The following MCPH1 variants were observed in gnomAD, a reference collection of about 807,000 sequenced individuals.
MCPH1 encodes the protein microcephalin 1.
MCPH1 carries 104 observed loss-of-function variants against 84.5 expected under a neutral mutation model. The observed-to-expected ratio is 1.23, with a 90% confidence interval of 1.05 to 1.45. The LOEUF is 1.45. Among genes scored for constraint, MCPH1 ranks in the 40% most tolerant of loss-of-function variants. The probability of loss-of-function intolerance (pLI) is 0.00; values close to 1 mark genes in which losing one functional copy is unlikely to be tolerated. For synonymous variants in MCPH1, 514 were observed against 366.8 expected, an observed-to-expected ratio of 1.40 and a Z score of -4.58; for missense variants, 1,498 against 1,005.7, an observed-to-expected ratio of 1.49 and a Z score of -6.62.
intron 11 of MCPH1, among the ~76,000 whole-genome samples, chr8:6,497,948 A>T: frequency 6.6e-6 from 1 of 152,194 alleles, no homozygotes; most frequent in Non-Finnish European, 1.5e-5. Context: ...AGTTTGTTCA[A>T]AGAACTCTCA....
At chr8:6,423,127 C>A (rs2515533) in intron 3 of MCPH1, among the ~76,000 whole-genome samples, 147,644 of 149,740 alleles carry the variant, frequency 0.99, 72,896 homozygotes, top group East Asian at 1. Flanking sequence ...GGCAAAAGCA[C>A]ACTTTTAAGG....
chr8:6,636,173 T>A (rs1360784097), intron 13 of MCPH1, among the ~76,000 whole-genome samples: 2 of 151,978 alleles, frequency 1.3e-5, no homozygotes, highest in Non-Finnish European at 2.9e-5. Context: ...ACCCCATCTC[T>A]ACTAAAAATT....
chr8:6,579,288 C>A (rs142632762), intron 12 of MCPH1, among the ~76,000 whole-genome samples: 1 of 152,358 alleles, frequency 6.6e-6, no homozygotes, highest in African/African-American at 2.4e-5. Flanking sequence ...AGTTCGCCCC[C>A]TTTCCCGGTC....
chr8:6,578,549 A>C (rs957378196), intron 12 of MCPH1, among the ~76,000 whole-genome samples: 7 of 152,248 alleles, frequency 4.6e-5, no homozygotes, highest in Admixed American at 4.6e-4. Context: ...CTCACTATGT[A>C]ATTGTTTTTT....
intron 6 of MCPH1, among the ~76,000 whole-genome samples, chr8:6,439,392 C>CTT (rs1204165100): frequency 3.7e-5 from 5 of 135,854 alleles, no homozygotes; most frequent in African/African-American, 5.4e-5. Flanking sequence ...TGAATCATGT[C>CTT]TTTTTTTTTT....
intron 3 of MCPH1, among the ~76,000 whole-genome samples, chr8:6,429,887 C>A (rs1390218827): frequency 2.6e-5 from 4 of 152,174 alleles, no homozygotes; most frequent in African/African-American, 4.8e-5. Flanking sequence ...GCCCCAGACC[C>A]ACAGGACAGG....
chr8:6,480,928 T>A, intron 11 of MCPH1, 52 bp downstream of exon 11: 1 of 1,599,030 alleles, frequency 6.3e-7, no homozygotes, highest in Non-Finnish European at 8.5e-7. Context: ...TTTGATAGAG[T>A]GGGTCACCCT....
intron 12 of MCPH1, among the ~76,000 whole-genome samples, chr8:6,550,012 G>A (rs1823340174): frequency 3.3e-5 from 5 of 152,232 alleles, no homozygotes; most frequent in Admixed American, 3.3e-4. Flanking sequence ...TGATCATTCG[G>A]GGACGGGGGA....
At chr8:6,408,278 G>T (rs1450779701) in intron 1 of MCPH1, among the ~76,000 whole-genome samples, 3 of 152,216 alleles carry the variant, frequency 2.0e-5, no homozygotes, top group African/African-American at 4.8e-5. Context: ...GCCCAGGCTG[G>T]AGCGCAGTGA....
chr8:6,407,400 C>G (rs376947932), intron 1 of MCPH1, among the ~76,000 whole-genome samples: 1 of 152,004 alleles, frequency 6.6e-6, no homozygotes. Flanking sequence ...GGTGACTCTC[C>G]CTGTGTGTGG....
intron 12 of MCPH1, chr8:6,616,875 G>A (rs1297515350): frequency 6.6e-6 from 1 of 152,204 alleles, no homozygotes; most frequent in African/African-American, 2.4e-5. Flanking sequence ...TTCTTTTAAA[G>A]AGACATCTTG....
At chr8:6,468,593 T>G (rs1010726443) in intron 9 of MCPH1, among the ~76,000 whole-genome samples, 5 of 152,046 alleles carry the variant, frequency 3.3e-5, no homozygotes, top group Admixed American at 6.5e-5. Context: ...GCAGATGTAT[T>G]GTTTGAACAC....
chr8:6,611,192 G>A (rs1011309434), intron 12 of MCPH1, among the ~76,000 whole-genome samples: 2 of 151,654 alleles, frequency 1.3e-5, no homozygotes, highest in African/African-American at 2.4e-5. Context: ...TTTTTTTCAT[G>A]CCAAACAATT....
At chr8:6,422,341 A>G (rs200270533) in intron 3 of MCPH1, among the ~76,000 whole-genome samples, 46 of 24,900 alleles carry the variant, frequency 1.8e-3, no homozygotes, top group African/African-American at 2.2e-3. Flanking sequence ...AAATGATTTG[A>G]AAAAAAACTA....
In MCPH1 at chr8:6,495,306, C is replaced by T. The variant is rs544860213; in HGVS notation, c.2137-4546C>T. Among the ~76,000 whole-genome samples the T allele has an allele frequency of 3.1e-3, 472 of 152,280 alleles. 2 individuals carry two copies. The highest frequency in any genetic ancestry group is 4.5e-3 in the Non-Finnish European group (305 of 68,020). ...TTTAGTTAATAATGATGCATAATGTCTTCATGTGGCAGAAACACTAACCTG... is the reference window on the plus strand; with the variant it reads ...TTTAGTTAATAATGATGCATAATGTTTTCATGTGGCAGAAACACTAACCTG... On this transcript the variant is annotated intron_variant, in intron 11 of 13. Coordinates refer to ENST00000344683, the MANE Select transcript of MCPH1 (RefSeq NM_024596.5).
At chr8:6,515,442 C>T (rs1013263434) in intron 12 of MCPH1, among the ~76,000 whole-genome samples, 8 of 152,160 alleles carry the variant, frequency 5.3e-5, no homozygotes, top group African/African-American at 1.2e-4. Flanking sequence ...CATGACTTCA[C>T]GCTTCTCTGT....
At chr8:6,613,054 T>G (rs529494899) in intron 12 of MCPH1, among the ~76,000 whole-genome samples, 1 of 152,294 alleles carries the variant, frequency 6.6e-6, no homozygotes, top group East Asian at 1.9e-4. Flanking sequence ...GGCATGGGGT[T>G]GGCCTGCTGG....
Position 6,444,897 on chromosome 8 carries a change from A to G in MCPH1, c.1175A>G (p.Asp392Gly), listed in dbSNP as rs2515569. 1 allele frequency: 1,611,988 copies of G among 1,614,206 alleles called. 804,919 individuals are homozygous for G. Among genetic ancestry groups the G allele is most frequent in the Non-Finnish European group, 1 (1,180,032 of 1,180,046 alleles). The change falls in exon 8 of 14, where the codon GAC (aspartate) becomes GGC (glycine). Residue 392 changes from aspartate to glycine, a missense_variant. Transcript: ENST00000344683. ...AGGCTGCAGCTGTGCAGGTCGGAAG[A>G]CAGGCTGCAGCACGTGGCGGGACCT... ...MPRLQLCRSE[D>G]RLQHVAGPAL...
intron 9 of MCPH1, among the ~76,000 whole-genome samples, chr8:6,456,376 C>G (rs1278635240): frequency 2.0e-5 from 3 of 152,170 alleles, no homozygotes; most frequent in African/African-American, 4.8e-5. Context: ...CTAGAACGCT[C>G]GCAACACTGT....
Sources: gnomAD v4.1 joint callset for allele counts (sites outside exome capture counted in the v4.1 genomes callset) on GRCh38, gnomAD v4.1.1 for gene constraint, MANE v1.5 for transcripts, NCBI Gene and HGNC (gene_info 2026-07-23, HGNC 2026-07-21) for gene names.